The following GLIS3 variants were observed in gnomAD, a reference collection of about 807,000 sequenced individuals.
The protein encoded by GLIS3 is zinc finger protein GLIS3.
In GLIS3, 53 loss-of-function variants were observed where a neutral mutation model predicts 78.6. That is an observed-to-expected ratio of 0.67 (90% CI 0.54 to 0.85). The LOEUF (loss-of-function observed/expected upper bound fraction) is 0.85, where lower values mean the gene tolerates loss of function less well. GLIS3 is among the 40% of genes least tolerant of loss of function. The probability of loss-of-function intolerance (pLI) is 0.00; values close to 1 mark genes in which losing one functional copy is unlikely to be tolerated. For synonymous variants in GLIS3, 684 were observed against 509.9 expected (o/e 1.34, Z -4.60); for missense variants, 1,703 against 1,231.1 (o/e 1.38, Z -5.74).
intron 2 of GLIS3, among the ~76,000 whole-genome samples, chr9:4,229,960 C>T (rs1328769614): frequency 1.3e-5 from 2 of 152,144 alleles, no homozygotes; most frequent in African/African-American, 4.8e-5. Context: ...ATCAAGGTAA[C>T]ACTAGGAAGA....
At chr9:4,129,296 C>A (rs1355511473) in intron 2 of GLIS3, among the ~76,000 whole-genome samples, 1 of 152,118 alleles carries the variant, frequency 6.6e-6, no homozygotes, top group Non-Finnish European at 1.5e-5. Context: ...CCGTATTTCT[C>A]CATGTCTATG....
At chr9:4,090,462 A>G (rs1324370936) in intron 4 of GLIS3, among the ~76,000 whole-genome samples, 1 of 152,174 alleles carries the variant, frequency 6.6e-6, no homozygotes, top group Admixed American at 6.5e-5. Context: ...TTTAAAAAAA[A>G]AAAAAAATTA....
the GLIS3 span, among the ~76,000 whole-genome samples, chr9:4,469,507 G>A: frequency 5.6e-4 from 86 of 152,282 alleles, no homozygotes; most frequent in African/African-American, 1.9e-3. Context: ...CAACTACATG[G>A]AAACTGAACA....
At chr9:3,940,909 G>A (rs958633722) in intron 4 of GLIS3, among the ~76,000 whole-genome samples, 2 of 152,152 alleles carry the variant, frequency 1.3e-5, no homozygotes, top group African/African-American at 4.8e-5. Flanking sequence ...GTACGGCTGG[G>A]CAGGTTACAT....
chr9:4,130,618 C>T (rs184055593), intron 2 of GLIS3, among the ~76,000 whole-genome samples: 7 of 152,280 alleles, frequency 4.6e-5, no homozygotes, highest in Admixed American at 6.5e-5. Flanking sequence ...TGTAGGTGCA[C>T]GAAATGCAAG....
intron 2 of GLIS3, among the ~76,000 whole-genome samples, chr9:4,177,583 A>G (rs1218742924): frequency 6.6e-6 from 1 of 152,192 alleles, no homozygotes; most frequent in Non-Finnish European, 1.5e-5. Context: ...AGAGTTTCAA[A>G]TAATAAAATC....
At chr9:4,386,984 G>C in the GLIS3 span, among the ~76,000 whole-genome samples, 2 of 152,160 alleles carry the variant, frequency 1.3e-5, no homozygotes, top group Non-Finnish European at 2.9e-5. Flanking sequence ...TCTATTGGTG[G>C]CAGGGTAGCT....
rs146428099 is a variant in GLIS3, at chr9:4,123,022, G to A, written c.596+2712C>T. ...CCTTAAGGCAGGATTCTTATTATTG[G>A]ATTAAATAGAATCCAACAAAGCTAA... On this transcript the variant is annotated intron_variant, in intron 3 of 10. Coordinates refer to ENST00000381971, the MANE Select transcript of GLIS3 (RefSeq NM_001042413.2). 4.4e-3 allele frequency among the ~76,000 whole-genome samples: 670 copies of A among 152,110 alleles called. 5 individuals are homozygous for A. The highest frequency in any genetic ancestry group is 0.015 in the African/African-American group (619 of 41,492).
intron 6 of GLIS3, among the ~76,000 whole-genome samples, chr9:3,911,025 C>T (rs1824105941): frequency 6.6e-6 from 1 of 152,200 alleles, no homozygotes; most frequent in Admixed American, 6.5e-5. Context: ...AAACATATCC[C>T]TTATTCTAGA....
At chr9:4,283,815 G>C (rs578008430) in intron 2 of GLIS3, among the ~76,000 whole-genome samples, 2 of 152,300 alleles carry the variant, frequency 1.3e-5, no homozygotes, top group Admixed American at 6.5e-5. Context: ...GCCACTTCTT[G>C]CACCATCTAG....
the GLIS3 span, among the ~76,000 whole-genome samples, chr9:4,461,556 A>T: frequency 6.6e-6 from 1 of 152,122 alleles, no homozygotes; most frequent in Non-Finnish European, 1.5e-5. Flanking sequence ...TAGGGTTTGG[A>T]TTCTTTGCTA....
intron 4 of GLIS3, among the ~76,000 whole-genome samples, chr9:3,989,531 A>T (rs2129741829): frequency 6.6e-6 from 1 of 152,352 alleles, no homozygotes; most frequent in Non-Finnish European, 1.5e-5. Flanking sequence ...TGGAATAAAC[A>T]TACCATGGAA....
intron 4 of GLIS3, among the ~76,000 whole-genome samples, chr9:4,108,041 T>A (rs191305334): frequency 6.6e-6 from 1 of 152,138 alleles, no homozygotes; most frequent in Non-Finnish European, 1.5e-5. Flanking sequence ...AGGTGAATAA[T>A]TAATGATCTT....
intron 4 of GLIS3, among the ~76,000 whole-genome samples, chr9:3,997,154 C>T (rs1429897090): frequency 6.6e-6 from 1 of 152,094 alleles, no homozygotes; most frequent in African/African-American, 2.4e-5. Flanking sequence ...CAAGACCAGC[C>T]TGACCAACAT....
intron 2 of GLIS3, among the ~76,000 whole-genome samples, chr9:4,221,247 T>C (rs1157125013): frequency 6.6e-6 from 1 of 152,148 alleles, no homozygotes; most frequent in Non-Finnish European, 1.5e-5. Flanking sequence ...TGAGGTAAAA[T>C]GTTAAAATTC....
At chr9:4,045,755 G>C (rs533419965) in intron 4 of GLIS3, among the ~76,000 whole-genome samples, 2 of 152,086 alleles carry the variant, frequency 1.3e-5, no homozygotes, top group African/African-American at 4.8e-5. Context: ...ACACAGTCTC[G>C]CAATCACAGC....
intron 6 of GLIS3, 61 bp downstream of exon 6, chr9:3,932,299 T>G: frequency 7.8e-7 from 1 of 1,289,124 alleles, no homozygotes; most frequent in South Asian, 1.2e-5. Context: ...AGAAGCTTCG[T>G]GTACTACAAG....
At chr9:4,130,973 G>A (rs1375130103) in intron 2 of GLIS3, among the ~76,000 whole-genome samples, 1 of 152,236 alleles carries the variant, frequency 6.6e-6, no homozygotes. Context: ...CAAGGCCTTA[G>A]GAGCCCACCT....
the GLIS3 span, among the ~76,000 whole-genome samples, chr9:4,396,120 T>C: frequency 1.3e-5 from 2 of 151,174 alleles, no homozygotes; most frequent in African/African-American, 4.9e-5. Flanking sequence ...ATTTTTACTT[T>C]TTTTTTTTTT....
Sources: allele counts gnomAD v4.1 joint callset (sites outside exome capture counted in the v4.1 genomes callset), GRCh38; gene constraint gnomAD v4.1.1; transcripts MANE v1.5; gene names NCBI Gene and HGNC (gene_info 2026-07-23, HGNC 2026-07-21).